CHMP4B: variants seen among roughly 807,000 people sequenced by gnomAD.
CHMP4B encodes the protein charged multivesicular body protein 4B, also known as SNF7 homolog associated with Alix 1.
A neutral mutation model predicts 25.1 loss-of-function variants in CHMP4B; 1 was observed. The ratio of observed to expected loss-of-function variants is 0.04; its 90% CI spans 0.01 to 0.19. The LOEUF (loss-of-function observed/expected upper bound fraction) is 0.19, where lower values mean the gene tolerates loss of function less well. Ranked by LOEUF, CHMP4B falls within the 10% of genes least tolerant of loss-of-function variation. The pLI is 1.00. For synonymous variants in CHMP4B, 101 were observed against 115.6 expected, an observed-to-expected ratio of 0.87 and a Z score of 0.81; for missense variants, 151 against 289.7, an observed-to-expected ratio of 0.52 and a Z score of 3.48.
In CHMP4B at chr20:33,853,776, G is replaced by A. The variant is rs1317272241; in HGVS notation, c.*216G>A. On this transcript the variant is annotated 3_prime_UTR_variant, in exon 5 of 5. Coordinates refer to ENST00000217402, the MANE Select transcript of CHMP4B (RefSeq NM_176812.5). ...GGGAGGGGGGCGGGCGGGGTGGGAA[G>A]TGCCTGCTGTTTATAATGTTGAATT... 1 of 494,102 alleles carries A rather than the reference G, an allele frequency of 2.0e-6. No individual in the cohort carries two copies. Among genetic ancestry groups the A allele is most frequent in the African/African-American group, 2.0e-5 (1 of 50,892 alleles). The allele number at this position is 494,102 out of a possible 1,614,324, so 30.6% of individuals were successfully genotyped here. A position where few individuals can be genotyped will look rare whatever the true frequency, so the allele number is the denominator to read the frequency against.
intron 1 of CHMP4B, among the ~76,000 whole-genome samples, chr20:33,820,339 T>G (rs1978905568): frequency 6.6e-6 from 1 of 152,248 alleles, no homozygotes; most frequent in African/African-American, 2.4e-5. Context: ...TTGGGGACTC[T>G]GATGTTGAGA....
rs2626522 is a variant in CHMP4B, at chr20:33,811,394, C to T, written c.-75C>T. 1.6e-6 allele frequency: 2 copies of T among 1,234,440 alleles called. No individual in the cohort carries two copies. The highest frequency in any genetic ancestry group is 2.1e-6 in the Non-Finnish European group (2 of 974,028). The allele number at this position is 1,234,440 out of a possible 1,614,324, so 76.5% of individuals were successfully genotyped here. ...GAGCGGCGGGACTGGGAGCGGGCGCCGGAGCCGACCCGAGCCGAGCCGAGC... is the reference window on the plus strand; with the variant it reads ...GAGCGGCGGGACTGGGAGCGGGCGCTGGAGCCGACCCGAGCCGAGCCGAGC... On this transcript the variant is annotated 5_prime_UTR_variant, in exon 1 of 5. Transcript: ENST00000217402.
intron 1 of CHMP4B, among the ~76,000 whole-genome samples, chr20:33,841,536 A>G (rs1979540726): frequency 6.6e-6 from 1 of 152,194 alleles, no homozygotes; most frequent in South Asian, 2.1e-4. Flanking sequence ...CTGGGCTTCC[A>G]ATATGCATTT....
At position 33,844,903 on chromosome 20, in the gene CHMP4B, C is replaced by T. The variant is rs1346388889; in HGVS notation, c.191-3564C>T. On this transcript the variant is annotated intron_variant, in intron 1 of 4. Coordinates refer to ENST00000217402, the MANE Select transcript of CHMP4B (RefSeq NM_176812.5). ...CCTCCCAAGTGGCTCGGACCACAGG[C>T]GCCTGCCACCACACCCGGCTAATTT... 5.3e-5 allele frequency among the ~76,000 whole-genome samples: 8 copies of T among 152,098 alleles called. No individual in the cohort carries two copies. The East Asian group carries it at 9.7e-4, about 18-fold the overall frequency.
At chr20:33,846,568 T>C (rs2122812583) in intron 1 of CHMP4B, among the ~76,000 whole-genome samples, 1 of 152,366 alleles carries the variant, frequency 6.6e-6, no homozygotes, top group African/African-American at 2.4e-5. Flanking sequence ...GGGAGAAGTT[T>C]TCTGCTGCTT....
At chr20:33,845,003 C>T (rs1979647779) in intron 1 of CHMP4B, among the ~76,000 whole-genome samples, 1 of 152,122 alleles carries the variant, frequency 6.6e-6, no homozygotes, top group African/African-American at 2.4e-5. Flanking sequence ...TTGTAATCCA[C>T]CCGCCTTGGC....
At chr20:33,852,389 C>G (rs1440443332) in intron 4 of CHMP4B, among the ~76,000 whole-genome samples, 186 bp downstream of exon 4, 1 of 148,090 alleles carries the variant, frequency 6.8e-6, no homozygotes, top group African/African-American at 2.5e-5. Context: ...GCCATGTCAC[C>G]TGGCTTTTTC....
At chr20:33,828,228 C>T (rs1979145893) in intron 1 of CHMP4B, among the ~76,000 whole-genome samples, 1 of 152,172 alleles carries the variant, frequency 6.6e-6, no homozygotes, top group African/African-American at 2.4e-5. Flanking sequence ...AGAGGGAAAT[C>T]CCAGGCCCAG....
intron 1 of CHMP4B, among the ~76,000 whole-genome samples, chr20:33,842,517 C>G (rs1979572440): frequency 6.6e-6 from 1 of 152,196 alleles, no homozygotes; most frequent in Non-Finnish European, 1.5e-5. Context: ...TGGAGGCAGG[C>G]AAAGTGGGGC....
intron 1 of CHMP4B, among the ~76,000 whole-genome samples, chr20:33,838,119 C>G (rs376072464): frequency 6.6e-6 from 1 of 152,178 alleles, no homozygotes; most frequent in Non-Finnish European, 1.5e-5. Context: ...GTCTCCTGTT[C>G]GGGCACCTGG....
chr20:33,813,139 T>G (rs1227574778), intron 1 of CHMP4B, among the ~76,000 whole-genome samples: 3 of 144,376 alleles, frequency 2.1e-5, no homozygotes, highest in Non-Finnish European at 4.5e-5. Flanking sequence ...AGGAACCAGC[T>G]CTGTAAAAAA....
intron 1 of CHMP4B, among the ~76,000 whole-genome samples, chr20:33,819,903 C>T (rs1182712742): frequency 6.6e-6 from 1 of 152,100 alleles, no homozygotes; most frequent in South Asian, 2.1e-4. Flanking sequence ...CGTGGTGGCT[C>T]ACGCCTGTAA....
At chr20:33,832,679 C>G (rs907275734) in intron 1 of CHMP4B, among the ~76,000 whole-genome samples, 5 of 152,034 alleles carry the variant, frequency 3.3e-5, no homozygotes, top group African/African-American at 1.2e-4. Context: ...AAAACATGTA[C>G]CATACCTATG....
rs186064015 is a variant in CHMP4B at position 33,840,200 on chromosome 20, C to T, written c.191-8267C>T. The stretch of plus-strand genomic sequence containing the variant: ...GGCAGAGGTTGCAGTAAGCGGAGAT[C>T]GCGCCACTGCACTCTAGCCTGGGTG... On this transcript the variant is annotated intron_variant, in intron 1 of 4. Coordinates refer to ENST00000217402, the MANE Select transcript of CHMP4B (RefSeq NM_176812.5). 5.3e-5 allele frequency among the ~76,000 whole-genome samples: 8 copies of T among 150,620 alleles called. No homozygotes were observed. In the East Asian group the frequency reaches 1.4e-3, roughly 26 times the overall value.
At chr20:33,838,885 C>T (rs2122803538) in intron 1 of CHMP4B, among the ~76,000 whole-genome samples, 1 of 152,234 alleles carries the variant, frequency 6.6e-6, no homozygotes, top group South Asian at 2.1e-4. Context: ...AGGAGGCAGC[C>T]CAGATAGGCC....
intron 1 of CHMP4B, among the ~76,000 whole-genome samples, chr20:33,816,328 G>T (rs1440927447): frequency 6.6e-6 from 1 of 152,178 alleles, no homozygotes; most frequent in East Asian, 1.9e-4. Context: ...CATGCCTATG[G>T]TGAGGATTAA....
At chr20:33,839,698 G>C (rs1182001639) in intron 1 of CHMP4B, among the ~76,000 whole-genome samples, 4 of 152,110 alleles carry the variant, frequency 2.6e-5, no homozygotes, top group Non-Finnish European at 5.9e-5. Context: ...AGGGCTTTCA[G>C]ATCCCCAGGC....
chr20:33,840,257 A>AG (rs538135863), intron 1 of CHMP4B, among the ~76,000 whole-genome samples: 462 of 148,846 alleles, frequency 3.1e-3, no homozygotes, highest in Middle Eastern at 0.01. Flanking sequence ...AAAAAAAAAA[A>AG]GGGGGGGGAC....
intron 3 of CHMP4B, 72 bp downstream of exon 3, chr20:33,851,138 A>G (rs1979835716): frequency 2.1e-6 from 2 of 972,768 alleles, no homozygotes; most frequent in South Asian, 1.3e-5. Flanking sequence ...TGTGCTCTTG[A>G]AGGCTCTCAG....
Sources: allele counts gnomAD v4.1 joint callset (sites outside exome capture counted in the v4.1 genomes callset), GRCh38; gene constraint gnomAD v4.1.1; transcripts MANE v1.5; gene names NCBI Gene and HGNC (gene_info 2026-07-23, HGNC 2026-07-21).